The following TMCO6 variants were observed in gnomAD, a reference collection of about 807,000 sequenced individuals.
TMCO6 encodes transmembrane and coiled-coil domains 6.
Under a neutral mutation model 61.8 loss-of-function variants are expected in TMCO6, and 47 were observed. The ratio of observed to expected loss-of-function variants is 0.76; its 90% CI spans 0.60 to 0.97. The LOEUF (loss-of-function observed/expected upper bound fraction) is 0.97, where lower values mean the gene tolerates loss of function less well. Among genes scored for constraint, TMCO6 ranks in the 50% least tolerant of loss-of-function variants. The pLI, the probability that TMCO6 is intolerant of heterozygous loss-of-function variation, is 0.00. For synonymous variants in TMCO6, 261 were observed against 254.2 expected, an observed-to-expected ratio of 1.03 and a Z score of -0.25; for missense variants, 557 against 601.6, an observed-to-expected ratio of 0.93 and a Z score of 0.78.
At chr5:140,597,219 G>C in the TMCO6 span, among the ~76,000 whole-genome samples, 18 of 152,296 alleles carry the variant, frequency 1.2e-4, no homozygotes, top group South Asian at 1.0e-3. Context: ...AAGTCAGTGT[G>C]GGGTAGGGAT....
chr5:140,606,651 G>C, the TMCO6 span, among the ~76,000 whole-genome samples: 2 of 152,156 alleles, frequency 1.3e-5, no homozygotes, highest in African/African-American at 2.4e-5. Context: ...GCCCAGCTGG[G>C]TGTGGTGGCT....
intron 6 of TMCO6, 70 bp from the exon 7 acceptor site, chr5:140,642,852 CCTG>C (rs1757127265): frequency 1.2e-6 from 2 of 1,611,330 alleles, no homozygotes; most frequent in East Asian, 2.2e-5. Flanking sequence ...CACTCTCCCA[CCTG>C]CTATCAGGGT....
At chr5:140,617,806 C>T in the TMCO6 span, among the ~76,000 whole-genome samples, 1 of 151,868 alleles carries the variant, frequency 6.6e-6, no homozygotes, top group Non-Finnish European at 1.5e-5. Flanking sequence ...GATACCTCCT[C>T]ACACTCATTA....
the TMCO6 span, among the ~76,000 whole-genome samples, chr5:140,602,080 T>C: frequency 6.6e-6 from 1 of 152,342 alleles, no homozygotes; most frequent in Middle Eastern, 3.4e-3. Context: ...TCTGCCTTCC[T>C]TTCCTACTAT....
the TMCO6 span, among the ~76,000 whole-genome samples, chr5:140,629,889 C>T: frequency 5.4e-5 from 8 of 147,436 alleles, no homozygotes; most frequent in East Asian, 2.0e-4. Flanking sequence ...GCTGAGATTG[C>T]GCCATTGCAC....
At chr5:140,624,533 T>G in the TMCO6 span, among the ~76,000 whole-genome samples, 1 of 152,162 alleles carries the variant, frequency 6.6e-6, no homozygotes, top group African/African-American at 2.4e-5. Flanking sequence ...ACCCCACTTC[T>G]AAGCAACCAC....
chr5:140,624,663 C>T, the TMCO6 span, among the ~76,000 whole-genome samples: 1 of 151,810 alleles, frequency 6.6e-6, no homozygotes, highest in African/African-American at 2.4e-5. Context: ...GATTCTTGCA[C>T]CTCAGCCTCC....
intron 2 of TMCO6, among the ~76,000 whole-genome samples, chr5:140,640,849 CAG>C (rs1462397243): frequency 6.6e-6 from 1 of 152,224 alleles, no homozygotes; most frequent in African/African-American, 2.4e-5. Context: ...GTTAAGTACT[CAG>C]TGTTTATTGA....
chr5:140,629,458 G>A, the TMCO6 span, among the ~76,000 whole-genome samples: 9 of 151,976 alleles, frequency 5.9e-5, no homozygotes, highest in Non-Finnish European at 1.0e-4. Context: ...TATTGTTTAG[G>A]GAATCATGAC....
downstream of TMCO6, chr5:140,647,491 C>G (rs771125764): frequency 1.9e-6 from 3 of 1,612,418 alleles, no homozygotes; most frequent in Non-Finnish European, 2.5e-6. Context: ...ACCTGACGCC[C>G]TGGCTGCCGG....
At chr5:140,638,731 A>AT, upstream of TMCO6, 1 of 151,776 alleles carries the variant, frequency 6.6e-6, no homozygotes, top group Non-Finnish European at 1.5e-5. Flanking sequence ...TAATTTTTGT[A>AT]TTTTTAGTAA....
At chr5:140,613,901 T>C in the TMCO6 span, among the ~76,000 whole-genome samples, 1 of 149,846 alleles carries the variant, frequency 6.7e-6, no homozygotes, top group Non-Finnish European at 1.5e-5. Flanking sequence ...TTTGTTGTTG[T>C]TGTTGTTGTT....
At chr5:140,622,909 G>C in the TMCO6 span, among the ~76,000 whole-genome samples, 1 of 151,934 alleles carries the variant, frequency 6.6e-6, no homozygotes, top group Non-Finnish European at 1.5e-5. Context: ...ATAGAGACTG[G>C]GTCTTGCTGT....
chr5:140,631,657 G>T, the TMCO6 span: 1 of 495,070 alleles, frequency 2.0e-6, no homozygotes. Context: ...TAAGTATGAT[G>T]AATTCCCCAT....
At chr5:140,629,128 G>A in the TMCO6 span, among the ~76,000 whole-genome samples, 1 of 152,066 alleles carries the variant, frequency 6.6e-6, no homozygotes, top group Non-Finnish European at 1.5e-5. Flanking sequence ...AATTAGCAGG[G>A]TGTGGTAGTG....
the TMCO6 span, among the ~76,000 whole-genome samples, chr5:140,605,260 A>C: frequency 1.7e-4 from 26 of 152,216 alleles, no homozygotes; most frequent in African/African-American, 2.4e-4. Flanking sequence ...TATTTATAGA[A>C]TCATATCATA....
the TMCO6 span, among the ~76,000 whole-genome samples, chr5:140,606,539 AT>A: frequency 6.6e-6 from 1 of 152,100 alleles, no homozygotes; most frequent in Non-Finnish European, 1.5e-5. Context: ...TTCTGGCAAT[AT>A]ATACATAGTC....
At chr5:140,606,467 A>G in the TMCO6 span, among the ~76,000 whole-genome samples, 1 of 152,058 alleles carries the variant, frequency 6.6e-6, no homozygotes, top group Non-Finnish European at 1.5e-5. Flanking sequence ...TCTTGGTTTT[A>G]CCGATTTTCT....
the TMCO6 span, chr5:140,632,619 G>A: frequency 1.4e-5 from 22 of 1,613,934 alleles, no homozygotes; most frequent in East Asian, 1.6e-4. This position sits in a 1 kb window ranked among gnomAD's most constrained non-coding sequence, Gnocchi z 6.2. Flanking sequence ...GTCCTCGAGC[G>A]TCAGTTCCTT....
Sources: gnomAD v4.1 joint callset for allele counts (sites outside exome capture counted in the v4.1 genomes callset) on GRCh38, gnomAD v4.1.1 for gene constraint, Gnocchi (gnomAD v3.1) non-coding constraint, MANE v1.5 for transcripts, NCBI Gene and HGNC (gene_info 2026-07-23, HGNC 2026-07-21) for gene names.